KLF8: variants seen among roughly 807,000 people sequenced by gnomAD.
The protein encoded by KLF8 is Krueppel-like factor 8.
A neutral mutation model predicts 18.2 loss-of-function variants in KLF8; 10 were observed. The ratio of observed to expected loss-of-function variants is 0.55; its 90% CI spans 0.34 to 0.93. The LOEUF (loss-of-function observed/expected upper bound fraction) is 0.93. Ranked by LOEUF, KLF8 falls within the 40% of genes least tolerant of loss-of-function variation. The pLI is 0.02. For synonymous variants in KLF8, 109 were observed against 97.3 expected, an observed-to-expected ratio of 1.12 and a Z score of -0.71; for missense variants, 264 against 277.9, an observed-to-expected ratio of 0.95 and a Z score of 0.36.
the KLF8 span, among the ~76,000 whole-genome samples, chrX:56,055,190 G>A: frequency 1.8e-5 from 2 of 111,933 alleles, no homozygotes; most frequent in East Asian, 5.6e-4. Context: ...CTGTATTTCA[G>A]TATGTTTTCG....
At chrX:56,150,399 A>T in the KLF8 span, among the ~76,000 whole-genome samples, 1 of 112,339 alleles carries the variant, frequency 8.9e-6, no homozygotes, top group African/African-American at 3.2e-5. Flanking sequence ...AATAATTTTA[A>T]GAACTTAAAT....
chrX:56,168,870 G>A, the KLF8 span, among the ~76,000 whole-genome samples: 1 of 111,322 alleles, frequency 9.0e-6, no homozygotes, highest in Non-Finnish European at 1.9e-5. Flanking sequence ...GTGTATATAT[G>A]CCCAAATTAG....
the KLF8 span, among the ~76,000 whole-genome samples, chrX:55,998,498 G>A: frequency 8.9e-6 from 1 of 112,495 alleles, no homozygotes; most frequent in African/African-American, 3.2e-5. Context: ...GACTCTTAAA[G>A]AGCGTGTTGC....
chrX:56,017,163 G>A, the KLF8 span, among the ~76,000 whole-genome samples: 1 of 112,325 alleles, frequency 8.9e-6, no homozygotes, highest in East Asian at 2.8e-4. Context: ...GGATCTATAT[G>A]TTTTTATTTG....
the KLF8 span, among the ~76,000 whole-genome samples, chrX:56,038,395 C>T: frequency 7.7e-4 from 86 of 111,449 alleles, no homozygotes; most frequent in Non-Finnish European, 1.4e-3. Flanking sequence ...TTCTGACAGG[C>T]CCCAGTGTGT....
At chrX:56,036,025 C>T in the KLF8 span, among the ~76,000 whole-genome samples, 1 of 112,008 alleles carries the variant, frequency 8.9e-6, no homozygotes, top group Admixed American at 9.4e-5. Context: ...TAGCATGATG[C>T]TTCCAGCTTT....
the KLF8 span, among the ~76,000 whole-genome samples, chrX:55,977,770 C>A: frequency 9.0e-6 from 1 of 111,392 alleles, no homozygotes. Context: ...GTTTTAAGAT[C>A]ACTTGCACTG....
the KLF8 span, among the ~76,000 whole-genome samples, chrX:56,200,120 A>T: frequency 9.0e-6 from 1 of 111,062 alleles, no homozygotes; most frequent in East Asian, 2.8e-4. Flanking sequence ...ATTAGGAGAA[A>T]TACCTAATGT....
chrX:56,036,458 T>A, the KLF8 span, among the ~76,000 whole-genome samples: 2 of 112,058 alleles, frequency 1.8e-5, no homozygotes, highest in African/African-American at 6.5e-5. Flanking sequence ...ATGAATGTTC[T>A]TGGCATCTTT....
the KLF8 span, among the ~76,000 whole-genome samples, chrX:56,184,329 C>T: frequency 4.5e-5 from 5 of 112,317 alleles, no homozygotes; most frequent in South Asian, 3.7e-4. Flanking sequence ...GAAAGGCACC[C>T]GCCATTGCCC....
the KLF8 span, among the ~76,000 whole-genome samples, chrX:56,022,551 C>CAAAAA: frequency 1.1e-4 from 3 of 27,307 alleles, no homozygotes; most frequent in African/African-American, 3.0e-4. Flanking sequence ...TCTGTCTGAC[C>CAAAAA]AAAAAAAAAA....
At chrX:56,183,751 CA>C in the KLF8 span, among the ~76,000 whole-genome samples, 1 of 111,800 alleles carries the variant, frequency 8.9e-6, no homozygotes, top group South Asian at 3.7e-4. Context: ...GAGAAGATGA[CA>C]AAACAGAGAA....
the KLF8 span, among the ~76,000 whole-genome samples, chrX:56,168,962 G>A: frequency 9.0e-6 from 1 of 111,688 alleles, no homozygotes; most frequent in East Asian, 2.8e-4. Context: ...CTGATTTCAA[G>A]CTGTATTGCA....
Position 56,284,300 on chromosome X carries a change from A to G in KLF8, c.899-13A>G. The stretch of plus-strand genomic sequence containing the variant: ...TCTCTGATTCTCTTTTTTTTGTCAC[A>G]TTCCCTTTTTAGGAGAGAAGCCTTA... On this transcript the variant is annotated splice_polypyrimidine_tract_variant and intron_variant, in intron 5 of 5. Transcript: ENST00000468660. 2 of 1,104,724 alleles carry G rather than the reference A, an allele frequency of 1.8e-6. No individual in the cohort carries two copies. The highest frequency in any genetic ancestry group is 2.4e-6 in the Non-Finnish European group (2 of 838,757). 91.0% of individuals were successfully genotyped at this position (1,104,724 alleles called of 1,213,427 possible).
At chrX:56,173,989 T>G in the KLF8 span, among the ~76,000 whole-genome samples, 2 of 111,915 alleles carry the variant, frequency 1.8e-5, no homozygotes, top group Admixed American at 9.5e-5. Context: ...CTTAAGGAGA[T>G]TTTGGGCTGA....
the KLF8 span, chrX:56,014,817 G>GTTTTTTTTTTTT: frequency 8.4e-5 from 5 of 59,368 alleles, no homozygotes; most frequent in East Asian, 6.1e-4. Context: ...ACAAGATCAT[G>GTTTTTTTTTTTT]TTTTTTTTTT....
At chrX:56,079,838 T>A in the KLF8 span, among the ~76,000 whole-genome samples, 1 of 111,499 alleles carries the variant, frequency 9.0e-6, no homozygotes, top group Non-Finnish European at 1.9e-5. Flanking sequence ...GCTCCTGTAT[T>A]GGATGCATAT....
the KLF8 span, among the ~76,000 whole-genome samples, chrX:56,055,932 C>T: frequency 3.6e-5 from 4 of 111,631 alleles, no homozygotes; most frequent in South Asian, 1.5e-3. Context: ...ATATTTCTTT[C>T]TATAGTGGCT....
chrX:56,166,412 G>T, the KLF8 span, among the ~76,000 whole-genome samples: 1 of 111,569 alleles, frequency 9.0e-6, no homozygotes, highest in Non-Finnish European at 1.9e-5. Flanking sequence ...GCACCATCAG[G>T]ACAAGTATCA....
Sources: allele counts gnomAD v4.1 joint callset (sites outside exome capture counted in the v4.1 genomes callset), GRCh38; gene constraint gnomAD v4.1.1; transcripts MANE v1.5; gene names NCBI Gene and HGNC (gene_info 2026-07-23, HGNC 2026-07-21).